Variants in MBNL2 observed in about 807,000 individuals in gnomAD.
The protein encoded by MBNL2 is muscleblind like splicing regulator 2, also known as muscleblind-like protein 2.
In MBNL2, 17 loss-of-function variants were observed where a neutral mutation model predicts 41.9. That is an observed-to-expected ratio of 0.41 (90% CI 0.28 to 0.61). The LOEUF is 0.61. MBNL2 is among the 20% of genes least tolerant of loss of function. MBNL2 has a pLI of 0.35. For synonymous variants in MBNL2, 195 were observed against 182.9 expected, an observed-to-expected ratio of 1.07 and a Z score of -0.53; for missense variants, 336 against 505.6, an observed-to-expected ratio of 0.66 and a Z score of 3.22.
At chr13:97,151,243 G>A in the MBNL2 span, among the ~76,000 whole-genome samples, 1 of 152,148 alleles carries the variant, frequency 6.6e-6, no homozygotes, top group Non-Finnish European at 1.5e-5. Flanking sequence ...TTTTCAAAGC[G>A]GGGGTGAAAA....
intron 8 of MBNL2, among the ~76,000 whole-genome samples, chr13:97,383,595 A>G (rs2065675341): frequency 1.3e-5 from 2 of 152,322 alleles, no homozygotes; most frequent in South Asian, 2.1e-4. Flanking sequence ...TAAACTTTCT[A>G]CTAAACAGCA....
At chr13:97,203,894 ATGG>A in the MBNL2 span, among the ~76,000 whole-genome samples, 1 of 151,940 alleles carries the variant, frequency 6.6e-6, no homozygotes, top group African/African-American at 2.4e-5. Flanking sequence ...GGATGGATGG[ATGG>A]ATGGATGGAT....
At chr13:97,363,192 G>A (rs950537797) in intron 7 of MBNL2, 1 of 152,074 alleles carries the variant, frequency 6.6e-6, no homozygotes, top group Non-Finnish European at 1.5e-5. Context: ...GAGGTGAGGA[G>A]GGCAGTTAGA....
the MBNL2 span, among the ~76,000 whole-genome samples, chr13:97,205,021 A>T: frequency 6.6e-6 from 1 of 151,716 alleles, no homozygotes; most frequent in African/African-American, 2.4e-5. Flanking sequence ...AAAATACAAA[A>T]ATTAGCTGGG....
At chr13:97,284,373 A>T (rs1316296012) in intron 2 of MBNL2, among the ~76,000 whole-genome samples, 1 of 151,654 alleles carries the variant, frequency 6.6e-6, no homozygotes, top group Non-Finnish European at 1.5e-5. Context: ...TGGCAGCATC[A>T]CTCCAATCTC....
chr13:97,203,951 T>A, the MBNL2 span, among the ~76,000 whole-genome samples: 1 of 151,980 alleles, frequency 6.6e-6, no homozygotes, highest in Admixed American at 6.6e-5. Context: ...GACGGATGGA[T>A]GGACAGATGG....
intron 2 of MBNL2, among the ~76,000 whole-genome samples, chr13:97,312,916 A>G (rs1000985588): frequency 3.3e-5 from 5 of 152,208 alleles, no homozygotes; most frequent in African/African-American, 1.2e-4. Context: ...TTTGGAAACT[A>G]TCATACATGT....
chr13:97,362,191 C>A (rs971885601), intron 7 of MBNL2, among the ~76,000 whole-genome samples: 1 of 152,008 alleles, frequency 6.6e-6, no homozygotes, highest in Non-Finnish European at 1.5e-5. Flanking sequence ...AACAGTTGAG[C>A]ATCCCATATT....
intron 1 of MBNL2, among the ~76,000 whole-genome samples, chr13:97,229,772 T>C (rs1027926089): frequency 2.0e-5 from 3 of 152,180 alleles, no homozygotes; most frequent in African/African-American, 7.2e-5. Context: ...AAGAGTTTAA[T>C]TTCATTACCT....
chr13:97,158,569 G>T, the MBNL2 span, among the ~76,000 whole-genome samples: 5 of 151,262 alleles, frequency 3.3e-5, no homozygotes, highest in East Asian at 7.8e-4. Flanking sequence ...TGCTTTGAAT[G>T]CGTCCCAGAG....
chr13:97,211,375 G>C, the MBNL2 span, among the ~76,000 whole-genome samples: 1 of 152,294 alleles, frequency 6.6e-6, no homozygotes, highest in East Asian at 1.9e-4. Flanking sequence ...GCTTGAGAGA[G>C]ACGAGGGTTG....
chr13:97,160,400 A>C, the MBNL2 span, among the ~76,000 whole-genome samples: 1 of 152,218 alleles, frequency 6.6e-6, no homozygotes, highest in African/African-American at 2.4e-5. Context: ...GTCCACTGAA[A>C]CAGGATGCCA....
intron 2 of MBNL2, among the ~76,000 whole-genome samples, chr13:97,332,614 G>T (rs1042428720): frequency 6.6e-5 from 10 of 152,216 alleles, no homozygotes; most frequent in African/African-American, 2.4e-4. Context: ...AGCAGATGAA[G>T]AGAGAAAAGA....
At chr13:97,178,277 T>C in the MBNL2 span, among the ~76,000 whole-genome samples, 1 of 152,214 alleles carries the variant, frequency 6.6e-6, no homozygotes, top group East Asian at 1.9e-4. Context: ...AACTGATTTA[T>C]TTATGTGTTT....
chr13:97,208,890 C>G, the MBNL2 span, among the ~76,000 whole-genome samples: 2 of 152,172 alleles, frequency 1.3e-5, no homozygotes, highest in African/African-American at 4.8e-5. Context: ...TAGAGATTTT[C>G]TGCATGCAAC....
intron 2 of MBNL2, among the ~76,000 whole-genome samples, chr13:97,281,532 C>T (rs1349785889): frequency 6.6e-6 from 1 of 152,168 alleles, no homozygotes; most frequent in African/African-American, 2.4e-5. Context: ...TGCTCATTTA[C>T]CTATGGGATG....
chr13:97,160,186 G>C, the MBNL2 span, among the ~76,000 whole-genome samples: 1 of 152,096 alleles, frequency 6.6e-6, no homozygotes, highest in Non-Finnish European at 1.5e-5. Context: ...TTAATTCTAC[G>C]GTGAAAGAGC....
In MBNL2 at chr13:97,343,083, C is replaced by A; in HGVS notation, c.407C>A (p.Pro136His). ...ATTAGCTTTGCTCCTTACCTAGCAC[C>A]TGTAACCCCTGGAGTTGGGTTGGTC... ...TAISFAPYLA[P>H]VTPGVGLVPT... The change falls in exon 4 of 9, where the codon CCT (proline) becomes CAT (histidine). Residue 136 changes from proline to histidine, a missense_variant. By Grantham distance (77) the Pro-to-His change is moderately conservative. Transcript: ENST00000679496. 6.2e-7 allele frequency: 1 copy of A among 1,613,958 alleles called. No individual in the cohort carries two copies. The highest frequency in any genetic ancestry group is 8.5e-7 in the Non-Finnish European group (1 of 1,179,826).
chr13:97,263,281 A>G (rs1015834208), intron 1 of MBNL2, among the ~76,000 whole-genome samples: 3 of 152,116 alleles, frequency 2.0e-5, no homozygotes, highest in African/African-American at 7.2e-5. Flanking sequence ...AACCTTTTCA[A>G]TTCTAATGTA....
Sources: gnomAD v4.1 joint callset for allele counts (sites outside exome capture counted in the v4.1 genomes callset) on GRCh38, gnomAD v4.1.1 for gene constraint, MANE v1.5 for transcripts, NCBI Gene and HGNC (gene_info 2026-07-23, HGNC 2026-07-21) for gene names.